CADM2: variants seen among roughly 807,000 people sequenced by gnomAD.
The protein encoded by CADM2 is immunoglobulin superfamily member 4D.
Under a neutral mutation model 49.8 loss-of-function variants are expected in CADM2, and 12 were observed. The observed-to-expected ratio is 0.24, with a 90% CI of 0.15 to 0.39. The LOEUF (loss-of-function observed/expected upper bound fraction) is 0.39, where lower values mean the gene tolerates loss of function less well. Among genes scored for constraint, CADM2 ranks in the 10% least tolerant of loss-of-function variants. The probability of loss-of-function intolerance (pLI) is 1.00; values close to 1 mark genes in which losing one functional copy is unlikely to be tolerated. For synonymous variants in CADM2, 214 were observed against 175.4 expected, an observed-to-expected ratio of 1.22 and a Z score of -1.74; for missense variants, 378 against 492.3, an observed-to-expected ratio of 0.77 and a Z score of 2.20.
At chr3:85,579,667 T>C (rs34193631) in intron 1 of CADM2, among the ~76,000 whole-genome samples, 12,249 of 152,004 alleles carry the variant, frequency 0.081, 950 homozygotes, top group African/African-American at 0.18. Context: ...AAGGTAATAT[T>C]AATAATATAA....
At chr3:85,618,646 T>C (rs1190308075) in intron 1 of CADM2, among the ~76,000 whole-genome samples, 1 of 152,048 alleles carries the variant, frequency 6.6e-6, no homozygotes, top group African/African-American at 2.4e-5. Context: ...TTTGTGTGCC[T>C]CTCTCTCTGT....
chr3:86,044,357 A>G (rs1338329664), intron 8 of CADM2, among the ~76,000 whole-genome samples: 1 of 152,192 alleles, frequency 6.6e-6, no homozygotes, highest in Non-Finnish European at 1.5e-5. Flanking sequence ...ACTCAAACAA[A>G]TTTACAAGAA....
chr3:85,366,443 A>C (rs1362289608), intron 1 of CADM2, among the ~76,000 whole-genome samples: 3 of 152,174 alleles, frequency 2.0e-5, no homozygotes, highest in Non-Finnish European at 4.4e-5. Context: ...GCAGTGAACC[A>C]AGTGTTTTAT....
chr3:85,152,982 A>G (rs954689729), intron 1 of CADM2, among the ~76,000 whole-genome samples: 2 of 138,646 alleles, frequency 1.4e-5, no homozygotes, highest in African/African-American at 2.7e-5. Flanking sequence ...AAAAAAATGT[A>G]AAAAAAAAAT....
chr3:85,622,422 T>C (rs1222571266), intron 1 of CADM2, among the ~76,000 whole-genome samples: 2 of 152,168 alleles, frequency 1.3e-5, no homozygotes, highest in Non-Finnish European at 2.9e-5. Context: ...ATTCTAAGAA[T>C]AGGATGTGAG....
intron 3 of CADM2, among the ~76,000 whole-genome samples, chr3:85,807,360 A>G (rs917745682): frequency 6.6e-6 from 1 of 152,068 alleles, no homozygotes; most frequent in African/African-American, 2.4e-5. Context: ...TTATCTGGGC[A>G]TGGTGGCGGA....
rs555034801 is a variant in CADM2 at position 85,678,700 on chromosome 3, A to G, written c.62-47822A>G. ...ATAAAAATCTATGAAATGGCAACGTAATATTGGCAAACACAAATTAACATT... is the reference window on the plus strand; with the variant it reads ...ATAAAAATCTATGAAATGGCAACGTGATATTGGCAAACACAAATTAACATT... On this transcript the variant is annotated intron_variant, in intron 1 of 9. Transcript: ENST00000383699. 2.0e-3 allele frequency among the ~76,000 whole-genome samples: 302 copies of G among 152,304 alleles called. 2 individuals carry two copies. The highest frequency in any genetic ancestry group is 3.4e-3 in the Non-Finnish European group (234 of 68,016).
chr3:85,841,545 T>G (rs1327246707), intron 3 of CADM2, among the ~76,000 whole-genome samples: 6 of 152,062 alleles, frequency 3.9e-5, no homozygotes, highest in Non-Finnish European at 8.8e-5. Context: ...CAGCTTGTCC[T>G]GAAGTACTTG....
intron 1 of CADM2, among the ~76,000 whole-genome samples, chr3:85,468,532 T>C (rs1336447142): frequency 6.6e-6 from 1 of 152,180 alleles, no homozygotes; most frequent in Non-Finnish European, 1.5e-5. Flanking sequence ...TTCACATTTA[T>C]TTCAATGTTT....
intron 3 of CADM2, among the ~76,000 whole-genome samples, chr3:85,876,596 T>C (rs778218613): frequency 1.3e-5 from 2 of 152,170 alleles, no homozygotes; most frequent in Non-Finnish European, 2.9e-5. Context: ...TTTTTTGTCA[T>C]GATTTAAGCA....
intron 3 of CADM2, among the ~76,000 whole-genome samples, chr3:85,879,944 C>T (rs912728986): frequency 6.6e-6 from 1 of 152,278 alleles, no homozygotes; most frequent in African/African-American, 2.4e-5. Context: ...AGAGACAAAA[C>T]AGTTCCAGAA....
intron 1 of CADM2, among the ~76,000 whole-genome samples, chr3:85,497,179 G>A (rs2039941756): frequency 6.6e-6 from 1 of 152,102 alleles, no homozygotes; most frequent in Non-Finnish European, 1.5e-5. Context: ...ACTTTTTAAT[G>A]GGGTTGCTAG....
chr3:85,951,311 A>G (rs1723395703), intron 7 of CADM2, among the ~76,000 whole-genome samples: 1 of 151,082 alleles, frequency 6.6e-6, no homozygotes. Context: ...TAATCAATAC[A>G]AGTAACTGCA....
At position 85,027,109 on chromosome 3, in the gene CADM2, C is replaced by CTTT. The variant is rs1160735135; in HGVS notation, c.61+67462_61+67464dup. Among the ~76,000 whole-genome samples the CTTT allele has an allele frequency of 7.2e-3, 402 of 55,634 alleles. 46 individuals are homozygous for CTTT. The highest frequency in any genetic ancestry group is 0.02 in the African/African-American group (204 of 10,244). 36.5% of individuals were successfully genotyped at this position (55,634 alleles called of 152,430 possible). A position where few individuals can be genotyped will look rare whatever the true frequency, so the allele number is the denominator to read the frequency against. ...TGGTTGTTGTTGCTTTTTCTTTTTC[C>CTTT]TTTTTTTTTTTTTTTTTTTTTTTAA... is the stretch of plus-strand genomic sequence containing the variant. On this transcript the variant is annotated intron_variant, in intron 1 of 9. Coordinates refer to ENST00000383699, the MANE Select transcript of CADM2 (RefSeq NM_001167675.2).
chr3:85,774,939 T>G (rs2070285504), intron 2 of CADM2, among the ~76,000 whole-genome samples: 1 of 151,670 alleles, frequency 6.6e-6, no homozygotes, highest in African/African-American at 2.4e-5. Flanking sequence ...TGCTAGTCAG[T>G]TAAATCTAGA....
chr3:85,486,181 T>C (rs2039407342), intron 1 of CADM2, among the ~76,000 whole-genome samples: 1 of 152,138 alleles, frequency 6.6e-6, no homozygotes, highest in Non-Finnish European at 1.5e-5. Context: ...CTTCAGAAAA[T>C]AATTTCTTGA....
intron 7 of CADM2, among the ~76,000 whole-genome samples, chr3:85,954,848 C>T (rs1042872316): frequency 6.6e-6 from 1 of 151,256 alleles, no homozygotes; most frequent in Non-Finnish European, 1.5e-5. Flanking sequence ...ATCAAAAAGT[C>T]TTTGCTTAAA....
intron 1 of CADM2, among the ~76,000 whole-genome samples, chr3:85,630,806 T>G (rs990484198): frequency 5.9e-5 from 9 of 152,152 alleles, no homozygotes; most frequent in Non-Finnish European, 1.2e-4. Flanking sequence ...GGTTTTCACC[T>G]TTAATCACAT....
intron 8 of CADM2, among the ~76,000 whole-genome samples, chr3:86,006,988 C>T (rs1345727820): frequency 2.6e-5 from 4 of 151,914 alleles, no homozygotes; most frequent in South Asian, 2.1e-4. Flanking sequence ...TGCAGTGGGC[C>T]GAGATCACGC....
Sources: allele counts gnomAD v4.1 joint callset (sites outside exome capture counted in the v4.1 genomes callset), GRCh38; gene constraint gnomAD v4.1.1; transcripts MANE v1.5; gene names NCBI Gene and HGNC (gene_info 2026-07-23, HGNC 2026-07-21).